DMD: variants seen among roughly 807,000 people sequenced by gnomAD.
DMD encodes dystrophin.
In DMD, 63 loss-of-function variants were observed where a neutral mutation model predicts 330.1. That is an observed-to-expected ratio of 0.19 (90% CI 0.16 to 0.24). The LOEUF (loss-of-function observed/expected upper bound fraction) is 0.24, where lower values mean the gene tolerates loss of function less well. Ranked by LOEUF, DMD falls within the 10% of genes least tolerant of loss-of-function variation. The pLI is 1.00. For missense variants in DMD, 3,344 were observed against 2,684.1 expected (o/e 1.25, Z -5.43); for synonymous variants, 1,223 against 959.8 (o/e 1.27, Z -5.07).
intron 64 of DMD, among the ~76,000 whole-genome samples, chrX:31,214,937 CTTTTTTTTTT>C (rs761569710): frequency 2.6e-5 from 1 of 38,101 alleles, no homozygotes; most frequent in African/African-American, 1.2e-4. Flanking sequence ...TTTCTTTTTT[CTTTTTTTTTT>C]TTTTTTTTTT....
chrX:32,563,333 A>T (rs1277445951), intron 16 of DMD, among the ~76,000 whole-genome samples: 2 of 71,365 alleles, frequency 2.8e-5, no homozygotes, highest in African/African-American at 1.1e-4. Flanking sequence ...ACACAGTGAG[A>T]CTCCATCTCA....
At chrX:32,017,406 G>A (rs771296226) in intron 44 of DMD, among the ~76,000 whole-genome samples, 16 of 111,796 alleles carry the variant, frequency 1.4e-4, no homozygotes, top group East Asian at 2.8e-4. Context: ...CATTGGCATC[G>A]TCGTTGCATT....
intron 7 of DMD, among the ~76,000 whole-genome samples, chrX:32,778,771 A>G (rs1164220781): frequency 9.0e-6 from 1 of 111,462 alleles, no homozygotes; most frequent in Non-Finnish European, 1.9e-5. Context: ...TTCATTTTTA[A>G]GCATTCCGGT....
intron 77 of DMD, among the ~76,000 whole-genome samples, chrX:31,130,929 G>T (rs2034405914): frequency 1.8e-5 from 2 of 111,749 alleles, no homozygotes; most frequent in African/African-American, 6.5e-5. Context: ...TCCTCTGTGG[G>T]CAATTATCTA....
chrX:32,438,438 A>G, intron 28 of DMD, 48 bp from the exon 29 acceptor site: 1 of 1,161,602 alleles, frequency 8.6e-7, no homozygotes, highest in South Asian at 1.8e-5. Flanking sequence ...TTTTCTAAAT[A>G]CATTGGATTA....
At chrX:32,833,399 C>T (rs913670053) in intron 4 of DMD, among the ~76,000 whole-genome samples, 8 of 110,075 alleles carry the variant, frequency 7.3e-5, no homozygotes, top group African/African-American at 2.3e-4. Context: ...TCTGGTTGAA[C>T]GTATTAATAA....
chrX:31,795,177 T>G (rs906423115), intron 50 of DMD, among the ~76,000 whole-genome samples: 1 of 111,884 alleles, frequency 8.9e-6, no homozygotes, highest in Non-Finnish European at 1.9e-5. Flanking sequence ...TGGATTTAGA[T>G]TCACCTAAAT....
At chrX:31,362,002 C>CT (rs1317526381) in intron 60 of DMD, among the ~76,000 whole-genome samples, 1 of 112,032 alleles carries the variant, frequency 8.9e-6, no homozygotes, top group Non-Finnish European at 1.9e-5. Flanking sequence ...ATCCTCCTAT[C>CT]TTTTAACCAT....
intron 1 of DMD, among the ~76,000 whole-genome samples, chrX:33,226,936 T>A (rs779261536): frequency 1.8e-5 from 2 of 109,898 alleles, no homozygotes; most frequent in Non-Finnish European, 3.8e-5. Context: ...TTAGGTGGCA[T>A]CAATGTCATG....
chrX:32,674,320 A>G lies in DMD; in HGVS notation c.960+23550T>C, dbSNP rs146573445. Among the ~76,000 whole-genome samples the G allele has an allele frequency of 1.3e-4, 15 of 111,727 alleles. No individual in the cohort carries two copies. In the East Asian group the frequency reaches 4.3e-3, roughly 32 times the overall value. ...GAAAGGGACTGCTAATCACCCAGAT[A>G]TCCCAACCTTGGAGCTGAATGCAAT... On this transcript the variant is annotated intron_variant, in intron 9 of 78. Coordinates refer to ENST00000357033, the MANE Select transcript of DMD (RefSeq NM_004006.3).
intron 2 of DMD, among the ~76,000 whole-genome samples, chrX:32,917,786 G>A: frequency 9.0e-6 from 1 of 111,422 alleles, no homozygotes; most frequent in Non-Finnish European, 1.9e-5. Flanking sequence ...ATATGGCTTT[G>A]TGGGAGTGCT....
Position 33,306,658 on chromosome X carries a change from A to G in DMD, c.7+32601T>C, listed in dbSNP as rs995170929. Among the ~76,000 whole-genome samples the G allele has an allele frequency of 2.7e-5, 3 of 111,050 alleles. No individual in the cohort carries two copies. The Admixed American group carries it at 2.9e-4, about 11-fold the overall frequency. ...GTTTGGGTGAGAGGTGAGAGATTCT[A>G]TGTGGCTACATCACAGCAATATAAA... On this transcript the variant is annotated intron_variant, in intron 1 of 17. Coordinates refer to the DMD transcript ENST00000288447.
At chrX:32,779,452 A>T (rs779943007) in intron 7 of DMD, among the ~76,000 whole-genome samples, 1 of 110,379 alleles carries the variant, frequency 9.1e-6, no homozygotes, top group East Asian at 2.8e-4. Flanking sequence ...TACATATTTA[A>T]TTTTTACCAC....
chrX:32,403,838 A>AT (rs769966448), intron 30 of DMD, among the ~76,000 whole-genome samples: 1 of 111,654 alleles, frequency 9.0e-6, no homozygotes, highest in African/African-American at 3.2e-5. Flanking sequence ...TTAGTTCTCC[A>AT]TTTTTTTCTT....
intron 12 of DMD, among the ~76,000 whole-genome samples, chrX:32,601,602 T>G (rs778130118): frequency 8.3e-5 from 9 of 108,524 alleles, no homozygotes; most frequent in Non-Finnish European, 1.7e-4. Context: ...TAGGATGAAA[T>G]AGATTGACCA....
intron 77 of DMD, among the ~76,000 whole-genome samples, chrX:31,130,350 A>C (rs2034320683): frequency 8.9e-6 from 1 of 111,937 alleles, no homozygotes; most frequent in South Asian, 3.8e-4. Flanking sequence ...AAAGTAGATA[A>C]TGACTTATTA....
chrX:31,729,638 C>T lies in DMD; in HGVS notation c.7653G>A (p.Thr2551=), dbSNP rs368803197. The change falls in exon 52 of 79, where the codon ACG becomes ACA. Residue 2551 remains threonine, a synonymous_variant. Transcript: ENST00000357033. ...GCTTGTTAAAAAACTTACTTCGATCCGTAATGATTGTTCTAGCCTCTTGAT... is the reference window on the plus strand; with the variant it reads ...GCTTGTTAAAAAACTTACTTCGATCTGTAATGATTGTTCTAGCCTCTTGAT... ...TSNQEARTII[T]DRIERIQNQW... is the part of the protein sequence containing the mutation. 2.5e-4 allele frequency: 299 copies of T among 1,206,364 alleles called. No homozygotes were observed. The highest frequency in any genetic ancestry group is 1.3e-3 in the South Asian group (75 of 56,727).
chrX:32,765,893 T>C (rs190944560), intron 7 of DMD, among the ~76,000 whole-genome samples: 4 of 112,121 alleles, frequency 3.6e-5, no homozygotes, highest in Non-Finnish European at 5.6e-5. Context: ...GTGTATTTTA[T>C]AAGAGTCCAA....
At chrX:32,793,060 T>C (rs1312295624) in intron 7 of DMD, among the ~76,000 whole-genome samples, 1 of 112,007 alleles carries the variant, frequency 8.9e-6, no homozygotes, top group African/African-American at 3.2e-5. Flanking sequence ...TATGACAGAA[T>C]ATGTCTTAAC....
Sources: allele counts gnomAD v4.1 joint callset (sites outside exome capture counted in the v4.1 genomes callset), GRCh38; gene constraint gnomAD v4.1.1; transcripts MANE v1.5; gene names NCBI Gene and HGNC (gene_info 2026-07-23, HGNC 2026-07-21).